ABCB4: variants seen among roughly 807,000 people sequenced by gnomAD.
The protein encoded by ABCB4 is ATP binding cassette subfamily B member 4.
A neutral mutation model predicts 145.7 loss-of-function variants in ABCB4; 76 were observed. The ratio of observed to expected loss-of-function variants is 0.52; its 90% confidence interval spans 0.43 to 0.63. The LOEUF (loss-of-function observed/expected upper bound fraction) is 0.63. Among genes scored for constraint, ABCB4 ranks in the 30% least tolerant of loss-of-function variants. ABCB4 has a pLI of 0.00. For missense variants in ABCB4, 1,234 were observed against 1,553.1 expected, an observed-to-expected ratio of 0.79 and a Z score of 3.45; for synonymous variants, 517 against 566.8, an observed-to-expected ratio of 0.91 and a Z score of 1.25.
chr7:87,390,544 C>T, the ABCB4 span, among the ~76,000 whole-genome samples: 4 of 152,192 alleles, frequency 2.6e-5, no homozygotes, highest in Non-Finnish European at 5.9e-5. Flanking sequence ...ACAGAAGAGG[C>T]TTGAAAACTG....
chr7:87,421,820 G>C (rs1809458627), intron 18 of ABCB4, among the ~76,000 whole-genome samples: 1 of 152,212 alleles, frequency 6.6e-6, no homozygotes, highest in Non-Finnish European at 1.5e-5. Flanking sequence ...AATGCTATTG[G>C]ACTGTACTTT....
chr7:87,414,656 GT>G (rs983847885), intron 21 of ABCB4, among the ~76,000 whole-genome samples: 3 of 151,972 alleles, frequency 2.0e-5, no homozygotes, highest in African/African-American at 7.2e-5. Context: ...TTAATTTTAG[GT>G]TTTTAACAGC....
Position 87,431,388 on chromosome 7 carries a change from C to A in ABCB4, c.1893+16G>T, listed in dbSNP as rs777893749. 2 of 1,613,840 alleles carry A rather than the reference C, an allele frequency of 1.2e-6. No homozygotes were observed. Among genetic ancestry groups the A allele is most frequent in the South Asian group, 2.2e-5 (2 of 91,048 alleles). ...TGAGGAGCAAATAGCAGAAAAAATT[C>A]CTGAAAAGCAAGTACCTGCATGTTG... On this transcript the variant is annotated intron_variant, in intron 15 of 27. Transcript: ENST00000649586.
chr7:87,392,634 A>G, the ABCB4 span: 4 of 1,613,142 alleles, frequency 2.5e-6, no homozygotes, highest in Non-Finnish European at 3.4e-6. Flanking sequence ...AAGATTGTTC[A>G]GCTGGAAAAG....
intron 14 of ABCB4, among the ~76,000 whole-genome samples, chr7:87,438,618 G>A (rs1013714760): frequency 1.3e-5 from 2 of 152,014 alleles, no homozygotes; most frequent in Admixed American, 6.6e-5. Flanking sequence ...GTGTGGTGGC[G>A]CACACCTGCA....
chr7:87,375,645 A>G, the ABCB4 span: 1 of 1,612,806 alleles, frequency 6.2e-7, no homozygotes, highest in Non-Finnish European at 8.5e-7. Flanking sequence ...ACTGACATAT[A>G]TCCACAAGAA....
chr7:87,439,609 C>A, intron 14 of ABCB4, 58 bp downstream of exon 14: 1 of 1,601,428 alleles, frequency 6.2e-7, no homozygotes, highest in Non-Finnish European at 8.6e-7. Context: ...GAAGCACTGG[C>A]AAGAATCTTC....
chr7:87,451,949 A>T, intron 6 of ABCB4, 155 bp from the exon 7 acceptor site: 1 of 712,162 alleles, frequency 1.4e-6, no homozygotes, highest in Non-Finnish European at 2.5e-6. Context: ...TCCCCACCTA[A>T]ACACCGCACA....
At chr7:87,424,418 G>A (rs548560583) in intron 16 of ABCB4, among the ~76,000 whole-genome samples, 1 of 152,244 alleles carries the variant, frequency 6.6e-6, no homozygotes, top group East Asian at 1.9e-4. Context: ...CACATAAGCC[G>A]AGCTGCAGTT....
the ABCB4 span, among the ~76,000 whole-genome samples, chr7:87,384,678 CTGAT>C: frequency 2.6e-5 from 4 of 152,124 alleles, no homozygotes; most frequent in Admixed American, 6.5e-5. Context: ...CTGTGGGCTG[CTGAT>C]TGTTTCCTCT....
intron 12 of ABCB4, among the ~76,000 whole-genome samples, chr7:87,441,067 A>T (rs555320667): frequency 6.6e-6 from 1 of 152,112 alleles, no homozygotes; most frequent in Non-Finnish European, 1.5e-5. Flanking sequence ...TATTTTTTAC[A>T]TGCTTTAATT....
chr7:87,413,017 C>G (rs1019849025), intron 22 of ABCB4, among the ~76,000 whole-genome samples: 1 of 152,192 alleles, frequency 6.6e-6, no homozygotes, highest in Non-Finnish European at 1.5e-5. Context: ...CTGTTCCAGT[C>G]TGCAAAATTG....
intron 23 of ABCB4, among the ~76,000 whole-genome samples, chr7:87,410,577 C>T (rs1314402851): frequency 6.6e-6 from 1 of 152,132 alleles, no homozygotes; most frequent in Non-Finnish European, 1.5e-5. Context: ...TTTTCACTTT[C>T]AGAAATGTTC....
chr7:87,475,634 C>T lies in ABCB4; in HGVS notation c.-7G>A. On this transcript the variant is annotated splice_region_variant and 5_prime_UTR_variant, in exon 1 of 28. Transcript: ENST00000649586. The stretch of plus-strand genomic sequence containing the variant: ...CCAGACGCGCCCGGACCTCTCTCAC[C>T]TCGAACCTCGCGCGTGTCTGGCAGG... The T allele has an allele frequency of 1.5e-6, 1 of 687,210 alleles. No individual in the cohort carries two copies. Among genetic ancestry groups the T allele is most frequent in the Non-Finnish European group, 2.6e-6 (1 of 391,418 alleles). The allele number at this position is 687,210 out of a possible 1,614,324, so 42.6% of individuals were successfully genotyped here. A position where few individuals can be genotyped will look rare whatever the true frequency, so the allele number is the denominator to read the frequency against.
rs1338570977 is a variant in ABCB4, at chr7:87,413,646, C to T, written c.2754G>A (p.Met918Ile). 3 of 1,611,640 alleles carry T rather than the reference C, an allele frequency of 1.9e-6. No individual in the cohort carries two copies. The highest frequency in any genetic ancestry group is 1.1e-5 in the South Asian group (1 of 90,996). ...AAGGTCCATACAATTTTTCAACATA[C>T]ATTGATTCAAATTTTCTTTCCTGGG... ...SLTQERKFES[M>I]YVEKLYGPYR... The change falls in exon 22 of 28, where the codon ATG (methionine) becomes ATA (isoleucine). Residue 918 changes from methionine (M) to isoleucine (I), a missense_variant. By Grantham distance (10) the Met-to-Ile change is conservative. Coordinates refer to ENST00000649586, the MANE Select transcript of ABCB4 (RefSeq NM_000443.4).
At position 87,401,788 on chromosome 7, in the gene ABCB4, A is replaced by G. The variant is rs1187947966; in HGVS notation, c.*308T>C. The G allele has an allele frequency of 2.2e-6, 1 of 452,776 alleles. No homozygotes were observed. The highest frequency in any genetic ancestry group is 2.0e-5 in the African/African-American group (1 of 50,052). The allele number at this position is 452,776 out of a possible 1,614,324, so 28.0% of individuals were successfully genotyped here. A position where few individuals can be genotyped will look rare whatever the true frequency, so the allele number is the denominator to read the frequency against. ...CCAACCCATTCAGGACCATAAGACC[A>G]TTTCCCTATGTCTGTGGCTTCTATA... is the stretch of plus-strand genomic sequence containing the variant. On this transcript the variant is annotated 3_prime_UTR_variant, in exon 28 of 28. Coordinates refer to ENST00000649586, the MANE Select transcript of ABCB4 (RefSeq NM_000443.4).
upstream of ABCB4, chr7:87,475,816 C>A (rs1260247408): frequency 5.7e-6 from 1 of 175,888 alleles, no homozygotes; most frequent in Admixed American, 6.4e-5. Context: ...GCAGCTCCCG[C>A]CGCCCGCCCA....
intron 23 of ABCB4, among the ~76,000 whole-genome samples, chr7:87,411,210 A>C (rs1001564925): frequency 9.2e-5 from 14 of 151,600 alleles, no homozygotes; most frequent in African/African-American, 2.7e-4. Flanking sequence ...TTTTGTCTTG[A>C]CCCTGTTTCA....
the ABCB4 span, chr7:87,381,876 A>G: frequency 7.0e-7 from 1 of 1,432,000 alleles, no homozygotes; most frequent in Non-Finnish European, 9.7e-7. Flanking sequence ...AGTTGACATA[A>G]AGTATTCAGA....
Sources: allele counts gnomAD v4.1 joint callset (sites outside exome capture counted in the v4.1 genomes callset), GRCh38; gene constraint gnomAD v4.1.1; transcripts MANE v1.5; gene names NCBI Gene and HGNC (gene_info 2026-07-23, HGNC 2026-07-21).